PSAP: variants seen among roughly 807,000 people sequenced by gnomAD.
PSAP encodes prosaposin.
A neutral mutation model predicts 66.0 loss-of-function variants in PSAP; 25 were observed. The ratio of observed to expected loss-of-function variants is 0.38; its 90% CI spans 0.28 to 0.53. The LOEUF is 0.53. Among genes scored for constraint, PSAP ranks in the 20% least tolerant of loss-of-function variants. The pLI is 0.83. For synonymous variants in PSAP, 273 were observed against 258.9 expected, an observed-to-expected ratio of 1.05 and a Z score of -0.52; for missense variants, 649 against 668.8, an observed-to-expected ratio of 0.97 and a Z score of 0.33.
At chr10:71,846,772 G>A (rs946967266) in intron 1 of PSAP, among the ~76,000 whole-genome samples, 1 of 142,478 alleles carries the variant, frequency 7.0e-6, no homozygotes, top group Admixed American at 7.1e-5. Flanking sequence ...GCAGGGCAAT[G>A]TAATTCTAAT....
At position 71,831,146 on chromosome 10, in the gene PSAP, C is replaced by T. The variant is rs1163117567; in HGVS notation, c.355G>A (p.Asp119Asn). The T allele has an allele frequency of 6.2e-7, 1 of 1,614,090 alleles. No individual in the cohort carries two copies. The highest frequency in any genetic ancestry group is 2.2e-5 in the East Asian group (1 of 44,882). ...IVDSYLPVILDIIKGEMSRPG... is the reference protein window; with the variant it reads ...IVDSYLPVILNIIKGEMSRPG... ...CTTACCATTTCTCCTTTAATGATGT[C>T]CAGGATGACAGGGAGGTAGGAGTCC... is the stretch of plus-strand genomic sequence containing the variant. Residue 119 changes from aspartate to asparagine, a missense_variant, in exon 4 of 14, where the codon GAC becomes AAC. Physicochemically the swap from Asp to Asn is conservative, Grantham distance 23. Coordinates refer to ENST00000394936, the MANE Select transcript of PSAP (RefSeq NM_002778.4).
chr10:71,841,150 T>C (rs1842726958), intron 1 of PSAP, among the ~76,000 whole-genome samples: 1 of 152,148 alleles, frequency 6.6e-6, no homozygotes, highest in Non-Finnish European at 1.5e-5. Flanking sequence ...TGGCTCCCCA[T>C]CCTCGAGAAA....
Position 71,836,877 on chromosome 10 carries a change from A to C in PSAP, c.41-2372T>G, listed in dbSNP as rs74145689. Among the ~76,000 whole-genome samples, 979 of 152,298 alleles carry C rather than the reference A, an allele frequency of 6.4e-3. 14 individuals carry two copies. The highest frequency in any genetic ancestry group is 0.023 in the African/African-American group (945 of 41,548). The stretch of plus-strand genomic sequence containing the variant: ...CTTCCTCTAGGAATGTGAAACAATA[A>C]TCGTTTTCCATGATGACTTTGTTAC... On this transcript the variant is annotated intron_variant, in intron 1 of 13. Coordinates refer to ENST00000394936, the MANE Select transcript of PSAP (RefSeq NM_002778.4).
chr10:71,826,898 T>C (rs1033290330), intron 6 of PSAP, among the ~76,000 whole-genome samples: 2 of 152,210 alleles, frequency 1.3e-5, no homozygotes, highest in African/African-American at 4.8e-5. Flanking sequence ...AATGGCATTT[T>C]GGTTTTACAC....
intron 7 of PSAP, among the ~76,000 whole-genome samples, chr10:71,824,760 A>C (rs1208846980): frequency 6.6e-6 from 1 of 152,228 alleles, no homozygotes; most frequent in Non-Finnish European, 1.5e-5. Context: ...TTGTGTGGGA[A>C]GTATTGTCCA....
In PSAP at chr10:71,819,576, C is replaced by T. The variant is rs763174804; in HGVS notation, c.1239G>A (p.Lys413=). Residue 413 remains lysine, a synonymous_variant, in exon 11 of 14, where the codon AAG becomes AAA. Coordinates refer to ENST00000394936, the MANE Select transcript of PSAP (RefSeq NM_002778.4). ...TGCGATCCAAATAACCCACCAGCTT[C>T]TTGCACACTTCGCAGAAGCCACCGT... The part of the protein sequence containing the change: ...PKDGGFCEVC[K]KLVGYLDRNL... 7.4e-6 allele frequency: 12 copies of T among 1,614,120 alleles called. No individual in the cohort carries two copies. In the South Asian group the frequency reaches 1.3e-4, roughly 18 times the overall value.
intron 7 of PSAP, among the ~76,000 whole-genome samples, chr10:71,824,720 G>A (rs1040872536): frequency 5.3e-5 from 8 of 152,164 alleles, no homozygotes; most frequent in African/African-American, 1.9e-4. Flanking sequence ...ATATGAACCC[G>A]TTGATATATT....
At chr10:71,818,824 C>A in intron 12 of PSAP, 100 bp from the exon 13 acceptor site, 1 of 1,126,878 alleles carries the variant, frequency 8.9e-7, no homozygotes, top group Non-Finnish European at 1.4e-6. Context: ...GAGCTAGGAT[C>A]ACAGCTCCAC....
rs1202710710 is a variant in PSAP, at chr10:71,835,263, A to G, written c.41-758T>C. On this transcript the variant is annotated intron_variant, in intron 1 of 13. Coordinates refer to ENST00000394936, the MANE Select transcript of PSAP (RefSeq NM_002778.4). ...ATAAATAAATAAAATAAAAATTAAA[A>G]TTAAAAAAAATTCATACCCTTATAA... is the stretch of plus-strand genomic sequence containing the variant. Among the ~76,000 whole-genome samples, 4 of 151,816 alleles carry G rather than the reference A, an allele frequency of 2.6e-5. No individual in the cohort carries two copies. In the East Asian group the frequency reaches 5.8e-4, roughly 22 times the overall value.
chr10:71,820,485 A>G, intron 8 of PSAP, 150 bp from the exon 9 acceptor site: 1 of 718,390 alleles, frequency 1.4e-6, no homozygotes, highest in Non-Finnish European at 2.6e-6. Flanking sequence ...TGTGGCTTCT[A>G]ATATCCAAGT....
intron 1 of PSAP, among the ~76,000 whole-genome samples, chr10:71,843,125 C>G (rs7912803): frequency 0.77 from 117,215 of 152,072 alleles, 45,318 homozygotes; most frequent in South Asian, 0.8. Context: ...ATTTCAGGCA[C>G]ATCAGTGGGG....
At position 71,828,157 on chromosome 10, in the gene PSAP, C is replaced by G. The variant is rs149305591; in HGVS notation, c.577G>C (p.Asp193His). 113 of 1,614,130 alleles carry G rather than the reference C, an allele frequency of 7.0e-5. No individual in the cohort carries two copies. The African/African-American group carries it at 1.4e-3, about 20-fold the overall frequency. The change falls in exon 6 of 14, where the codon GAT becomes CAT. Residue 193 changes from aspartate (D) to histidine (H), a missense_variant and splice_region_variant. Asp to His is a moderately conservative substitution (Grantham distance 81). Transcript: ENST00000394936. ...DGPRSKPQPKDNGDVCQDCIQ... is the reference protein window; with the variant it reads ...DGPRSKPQPKHNGDVCQDCIQ... ...CAGTCCTGGCAAACGTCCCCATTAT[C>G]CTACAGAAGAGGCAGTTAGGTTTGC... is the stretch of plus-strand genomic sequence containing the variant.
chr10:71,835,956 A>G (rs1229393457), intron 1 of PSAP, among the ~76,000 whole-genome samples: 1 of 152,112 alleles, frequency 6.6e-6, no homozygotes, highest in Non-Finnish European at 1.5e-5. Flanking sequence ...CACGTGTTGT[A>G]TAGGTCAGTA....
Position 71,818,619 on chromosome 10 carries a change from T to C in PSAP, c.1537A>G (p.Asn513Asp), listed in dbSNP as rs778904848. 9.9e-6 allele frequency: 16 copies of C among 1,613,272 alleles called. No homozygotes were observed. The highest frequency in any genetic ancestry group is 4.2e-6 in the Non-Finnish European group (5 of 1,179,860). Residue 513 changes from asparagine to aspartate, a missense_variant and splice_region_variant, in exon 13 of 14, where the codon AAT (asparagine) becomes GAT (aspartate). Physicochemically the swap from Asn to Asp is conservative, Grantham distance 23 (BLOSUM62 1). Transcript: ENST00000394936. The part of the protein sequence containing the change: ...CQNTETAAQC[N>D]AVEHCKRHVW... ...ACACTGTCTGCTGAGCTACTCACAT[T>C]GCACTGGGCTGCTGTCTCTGTGTTC...
At chr10:71,830,707 T>C (rs2133047373) in intron 4 of PSAP, among the ~76,000 whole-genome samples, 1 of 152,368 alleles carries the variant, frequency 6.6e-6, no homozygotes, top group Non-Finnish European at 1.5e-5. Context: ...GGTTTGTGTC[T>C]GTGTACAATA....
chr10:71,828,637 CCT>C (rs1213460211), intron 5 of PSAP, among the ~76,000 whole-genome samples: 1 of 152,016 alleles, frequency 6.6e-6, no homozygotes, highest in Non-Finnish European at 1.5e-5. Context: ...AGAACGAGAC[CCT>C]GTCTCAAAAA....
At chr10:71,834,329 AAG>A in intron 2 of PSAP, 41 bp downstream of exon 2, 1 of 1,611,732 alleles carries the variant, frequency 6.2e-7, no homozygotes, top group Non-Finnish European at 8.5e-7. Flanking sequence ...AAGGGGACCC[AAG>A]AGGAGTGCTG....
In PSAP at chr10:71,828,066, A is replaced by T. The variant is rs758534857; in HGVS notation, c.668T>A (p.Val223Glu). Residue 223 changes from valine (V) to glutamate (E), a missense_variant, in exon 6 of 14, where the codon GTG becomes GAG. Val to Glu is a moderately radical substitution (Grantham distance 121). Transcript: ENST00000394936. Reference sequence around the variant, plus strand: ...GTCACACTCCTCCTTGACATGTTCCACCAAGGCCTGGACAAAGGTGGAGTT... The same window carrying T: ...GTCACACTCCTCCTTGACATGTTCCTCCAAGGCCTGGACAAAGGTGGAGTT... ...RTNSTFVQALVEHVKEECDRL... is the reference protein window; with the variant it reads ...RTNSTFVQALEEHVKEECDRL... The T allele has an allele frequency of 1.2e-6, 2 of 1,614,072 alleles. No homozygotes were observed. The highest frequency in any genetic ancestry group is 2.7e-5 in the African/African-American group (2 of 74,914).
intron 4 of PSAP, 22 bp downstream of exon 4, chr10:71,831,104 A>T (rs1842503038): frequency 6.2e-7 from 1 of 1,613,520 alleles, no homozygotes; most frequent in African/African-American, 1.3e-5. Context: ...CTTCAAGGAA[A>T]AGCCTATTCC....
Sources: gnomAD v4.1 joint callset for allele counts (sites outside exome capture counted in the v4.1 genomes callset) on GRCh38, gnomAD v4.1.1 for gene constraint, MANE v1.5 for transcripts, NCBI Gene and HGNC (gene_info 2026-07-23, HGNC 2026-07-21) for gene names.